KIAA1217: variants seen among roughly 807,000 people sequenced by gnomAD.
The protein encoded by KIAA1217 is sickle tail protein homolog.
Under a neutral mutation model 163.9 loss-of-function variants are expected in KIAA1217, and 88 were observed. That is an observed-to-expected ratio of 0.54 (90% CI 0.45 to 0.64). The LOEUF is 0.64. Ranked by LOEUF, KIAA1217 falls within the 30% of genes least tolerant of loss-of-function variation. The pLI, the probability that KIAA1217 is intolerant of heterozygous loss-of-function variation, is 0.00. For missense variants in KIAA1217, 2,372 were observed against 2,475.0 expected, an observed-to-expected ratio of 0.96 and a Z score of 0.88; for synonymous variants, 903 against 923.1, an observed-to-expected ratio of 0.98 and a Z score of 0.39.
intron 10 of KIAA1217, among the ~76,000 whole-genome samples, chr10:24,513,786 T>TA (rs10711541): frequency 0.25 from 34,767 of 140,598 alleles, 4,199 homozygotes; most frequent in African/African-American, 0.28. Flanking sequence ...TCCTGTCTCT[T>TA]AAAAAAAAAA....
At chr10:24,002,302 T>A (rs1330728535) in intron 1 of KIAA1217, among the ~76,000 whole-genome samples, 1 of 152,154 alleles carries the variant, frequency 6.6e-6, no homozygotes, top group Non-Finnish European at 1.5e-5. Context: ...CTTAGTCTCC[T>A]CTCTCCACAG....
intron 1 of KIAA1217, among the ~76,000 whole-genome samples, chr10:23,940,477 A>AAAAAAAAAAAAAAAAAAAAAAAAAAC (rs1843720681): frequency 6.6e-6 from 1 of 150,874 alleles, no homozygotes; most frequent in Non-Finnish European, 1.5e-5. Context: ...AAAAAAAAAA[A>AAAAAAAAAAAAAAAAAAAAAAAAAAC]AAAAAAAGAA....
intron 2 of KIAA1217, among the ~76,000 whole-genome samples, chr10:24,334,438 TGG>T (rs2046076682): frequency 9.1e-4 from 75 of 82,282 alleles, no homozygotes; most frequent in Middle Eastern, 8.5e-3. Flanking sequence ...GAGGGAAGGA[TGG>T]AAGGAAGGAA....
At chr10:24,463,099 G>T (rs1161258550) in intron 5 of KIAA1217, among the ~76,000 whole-genome samples, 3 of 152,226 alleles carry the variant, frequency 2.0e-5, no homozygotes, top group Non-Finnish European at 4.4e-5. Context: ...AAAGGAGGTT[G>T]TCCTTGGCCT....
intron 2 of KIAA1217, among the ~76,000 whole-genome samples, chr10:24,311,576 C>A (rs2042701211): frequency 6.6e-6 from 1 of 152,020 alleles, no homozygotes. Flanking sequence ...TTTTTCTTAG[C>A]CGATAGTTAC....
chr10:24,074,381 C>CA (rs932063388), intron 2 of KIAA1217, among the ~76,000 whole-genome samples: 28 of 150,318 alleles, frequency 1.9e-4, no homozygotes, highest in African/African-American at 4.9e-4. Context: ...AAACCAACAA[C>CA]AAAAAAAAAC....
intron 1 of KIAA1217, among the ~76,000 whole-genome samples, chr10:23,831,730 T>G (rs1838212478): frequency 6.6e-6 from 1 of 152,178 alleles, no homozygotes; most frequent in Admixed American, 6.6e-5. Context: ...TGTGGTTATA[T>G]TTATAATAAT....
intron 2 of KIAA1217, among the ~76,000 whole-genome samples, chr10:24,260,153 TAG>T (rs1422130687): frequency 1.3e-5 from 2 of 152,206 alleles, no homozygotes; most frequent in African/African-American, 2.4e-5. Flanking sequence ...ACTCTCATTG[TAG>T]AGTCATAAGC....
chr10:23,979,724 G>A (rs895471164), intron 1 of KIAA1217, among the ~76,000 whole-genome samples: 12 of 151,980 alleles, frequency 7.9e-5, no homozygotes, highest in South Asian at 2.1e-4. Context: ...AATTGATACC[G>A]TAGTGTGGAA....
intron 1 of KIAA1217, among the ~76,000 whole-genome samples, chr10:23,883,195 A>G (rs964955558): frequency 6.6e-6 from 1 of 152,036 alleles, no homozygotes; most frequent in South Asian, 2.1e-4. Flanking sequence ...AAATTGTGAT[A>G]ATACACTGGT....
chr10:24,314,721 C>T (rs1262663238), intron 2 of KIAA1217, among the ~76,000 whole-genome samples: 1 of 151,902 alleles, frequency 6.6e-6, no homozygotes, highest in African/African-American at 2.4e-5. Flanking sequence ...GCAGGAGGAT[C>T]ATGATTGTCA....
intron 1 of KIAA1217, among the ~76,000 whole-genome samples, chr10:23,871,724 C>T (rs558163872): frequency 3.8e-4 from 58 of 152,242 alleles, no homozygotes; most frequent in African/African-American, 1.3e-3. Context: ...CCCACTCCTT[C>T]AGTACTGACG....
chr10:24,217,225 T>C (rs1279003086), intron 1 of KIAA1217, among the ~76,000 whole-genome samples: 1 of 152,128 alleles, frequency 6.6e-6, no homozygotes, highest in Non-Finnish European at 1.5e-5. Flanking sequence ...TATTTCTCTG[T>C]TATTAAGGAA....
intron 1 of KIAA1217, among the ~76,000 whole-genome samples, chr10:23,890,994 T>G (rs929137957): frequency 1.3e-5 from 2 of 152,032 alleles, no homozygotes; most frequent in Non-Finnish European, 2.9e-5. Context: ...AGTGTCTTTC[T>G]TTAACTCAAC....
intron 1 of KIAA1217, among the ~76,000 whole-genome samples, chr10:23,926,781 C>G (rs1564538730): frequency 6.7e-6 from 1 of 149,550 alleles, no homozygotes; most frequent in African/African-American, 2.5e-5. Flanking sequence ...AAATTGTTAC[C>G]TGCTTGCCTC....
At chr10:24,378,518 C>A (rs2052836133) in intron 2 of KIAA1217, among the ~76,000 whole-genome samples, 1 of 152,194 alleles carries the variant, frequency 6.6e-6, no homozygotes. Context: ...CCATCTATTG[C>A]ATATATATTA....
intron 1 of KIAA1217, among the ~76,000 whole-genome samples, chr10:23,866,439 G>T (rs907406917): frequency 7.9e-5 from 12 of 152,110 alleles, no homozygotes; most frequent in African/African-American, 2.9e-4. Flanking sequence ...CTAAAGACAT[G>T]ATGTTTCCTG....
chr10:24,525,941 A>G (rs1295704854), intron 13 of KIAA1217, among the ~76,000 whole-genome samples: 2 of 152,220 alleles, frequency 1.3e-5, no homozygotes, highest in African/African-American at 4.8e-5. Context: ...CAGTGAGCCA[A>G]GATCACGCCA....
At chr10:24,075,301 C>T (rs537302685) in intron 2 of KIAA1217, among the ~76,000 whole-genome samples, 46 of 152,114 alleles carry the variant, frequency 3.0e-4, no homozygotes, top group Non-Finnish European at 5.0e-4. Flanking sequence ...GTTTTCTATG[C>T]CTTGTATGAA....
Sources: gnomAD v4.1 joint callset for allele counts (sites outside exome capture counted in the v4.1 genomes callset) on GRCh38, gnomAD v4.1.1 for gene constraint, MANE v1.5 for transcripts, NCBI Gene and HGNC (gene_info 2026-07-23, HGNC 2026-07-21) for gene names.